SYNE1: variants seen among roughly 807,000 people sequenced by gnomAD.
SYNE1 encodes nesprin-1.
SYNE1 carries 616 observed loss-of-function variants against 1,111.0 expected under a neutral mutation model. The ratio of observed to expected loss-of-function variants is 0.55; its 90% CI spans 0.52 to 0.59. The LOEUF is 0.59. Ranked by LOEUF, SYNE1 falls within the 20% of genes least tolerant of loss-of-function variation. The probability of loss-of-function intolerance (pLI) is 0.00; values close to 1 mark genes in which losing one functional copy is unlikely to be tolerated. For missense variants in SYNE1, 10,006 were observed against 10,417.0 expected, an observed-to-expected ratio of 0.96 and a Z score of 1.72; for synonymous variants, 3,855 against 3,825.8, an observed-to-expected ratio of 1.01 and a Z score of -0.28.
Position 152,520,351 on chromosome 6 carries a change from T to C in SYNE1, c.309+108A>G, listed in dbSNP as rs76231045. 3,340 of 1,062,188 alleles carry C rather than the reference T, an allele frequency of 3.1e-3. 56 individuals carry two copies. In the African/African-American group the frequency reaches 0.045, roughly 14 times the overall value. The allele number at this position is 1,062,188 out of a possible 1,614,324, so 65.8% of individuals were successfully genotyped here. On this transcript the variant is annotated intron_variant, in intron 6 of 145. Coordinates refer to ENST00000367255, the MANE Select transcript of SYNE1 (RefSeq NM_182961.4). ...AATGATATTGTATGTCTAGGCTGTA[T>C]AGATTACATGCCATCCTCCTATCTG...
chr6:152,331,813 G>A lies in SYNE1; in HGVS notation c.12872C>T (p.Ala4291Val), dbSNP rs151250199. 30 of 1,613,972 alleles carry A rather than the reference G, an allele frequency of 1.9e-5. No individual in the cohort carries two copies. In the African/African-American group the frequency reaches 3.3e-4, roughly 18 times the overall value. The change falls in exon 78 of 146, where the codon GCT becomes GTT. Residue 4291 changes from alanine (A) to valine (V), a missense_variant. This residue lies in a region of SYNE1 where 4,955 missense variants were observed against 5,017.2 expected (regional missense o/e 0.99). Transcript: ENST00000367255. ...LALALQERKY[A>V]IEDLKDQKQK... ...CTTTTGATCTTTCAGATCTTCAATAGCATACTTTCTCTCCTGCAATGCCAA... is the reference window on the plus strand; with the variant it reads ...CTTTTGATCTTTCAGATCTTCAATAACATACTTTCTCTCCTGCAATGCCAA...
intron 131 of SYNE1, among the ~76,000 whole-genome samples, chr6:152,162,093 C>T (rs775227644): frequency 1.3e-5 from 2 of 152,202 alleles, no homozygotes; most frequent in Non-Finnish European, 2.9e-5. Context: ...AGCAGAGTTC[C>T]CTGGCTGGCT....
intron 10 of SYNE1, among the ~76,000 whole-genome samples, chr6:152,501,579 G>T (rs1029970827): frequency 2.0e-5 from 3 of 151,950 alleles, no homozygotes; most frequent in African/African-American, 4.8e-5. Context: ...ACTAGAAACA[G>T]AAAACAATAG....
chr6:152,326,078 G>A lies in SYNE1; in HGVS notation c.15318C>T (p.Tyr5106=). ...CAATAACCTCTTCCCTTGCTTTCTG[G>A]TAATCGTGCCATTGAGCTGTGCATC... ...LQRCTAQWHD[Y]QKAREEVIEL... Residue 5106 remains tyrosine, a synonymous_variant, in exon 80 of 146, where the codon TAC becomes TAT. Transcript: ENST00000367255. The A allele has an allele frequency of 6.2e-7, 1 of 1,614,050 alleles. No homozygotes were observed. Among genetic ancestry groups the A allele is most frequent in the Non-Finnish European group, 8.5e-7 (1 of 1,180,014 alleles).
rs781297183 is a variant in SYNE1 at position 152,242,419 on chromosome 6, T to C, written c.19714A>G (p.Met6572Val). 3.7e-6 allele frequency: 6 copies of C among 1,614,038 alleles called. No individual in the cohort carries two copies. The highest frequency in any genetic ancestry group is 4.2e-6 in the Non-Finnish European group (5 of 1,180,000). The stretch of plus-strand genomic sequence containing the variant: ...CCACTCCTCCGGGAGCCAATGATCA[T>C]CATCAGCTCATCATACATGTCCTAA... ...KLQDMYDELM[M>V]IIGSRRSGLN... Residue 6572 changes from methionine (M) to valine (V), a missense_variant, in exon 107 of 146, where the codon ATG becomes GTG. Met to Val is a conservative substitution (Grantham distance 21). Coordinates refer to ENST00000367255, the MANE Select transcript of SYNE1 (RefSeq NM_182961.4).
chr6:152,605,076 AGAAG>A (rs376634946), intron 3 of SYNE1, among the ~76,000 whole-genome samples: 7,195 of 32,582 alleles, frequency 0.22, 1,080 homozygotes, highest in Non-Finnish European at 0.26. Flanking sequence ...GAGGGAGGAA[AGAAG>A]GAAGGAAGGA....
chr6:152,231,802 GTA>G (rs10668582), intron 113 of SYNE1, among the ~76,000 whole-genome samples: 1 of 149,516 alleles, frequency 6.7e-6, no homozygotes, highest in African/African-American at 2.5e-5. Context: ...GTGTGTGTGT[GTA>G]TATATATATT....
At chr6:152,173,481 G>A (rs1172618382) in intron 130 of SYNE1, among the ~76,000 whole-genome samples, 1 of 152,208 alleles carries the variant, frequency 6.6e-6, no homozygotes, top group Non-Finnish European at 1.5e-5. Flanking sequence ...GGCAAGAGTG[G>A]TGAATGGACT....
chr6:152,357,091 A>T (rs1277589933), intron 66 of SYNE1, among the ~76,000 whole-genome samples: 1 of 152,240 alleles, frequency 6.6e-6, no homozygotes, highest in Non-Finnish European at 1.5e-5. Flanking sequence ...AAGTAAGCTA[A>T]GGAAATTGTG....
intron 3 of SYNE1, among the ~76,000 whole-genome samples, chr6:152,622,059 T>C (rs2099676686): frequency 1.3e-5 from 2 of 152,188 alleles, no homozygotes; most frequent in African/African-American, 4.8e-5. Flanking sequence ...TTATCAAAAA[T>C]GTATTTAACT....
At chr6:152,294,229 C>T (rs918006468) in intron 93 of SYNE1, 102 bp from the exon 94 acceptor site, 3 of 1,214,688 alleles carry the variant, frequency 2.5e-6, no homozygotes, top group Non-Finnish European at 2.4e-6. Flanking sequence ...TTCAGATCTA[C>T]ACCTTTCATG....
At chr6:152,303,031 A>T (rs938307436) in intron 91 of SYNE1, among the ~76,000 whole-genome samples, 1 of 150,900 alleles carries the variant, frequency 6.6e-6, no homozygotes, top group African/African-American at 2.4e-5. Context: ...ATTATACTTT[A>T]TTGCATCTTT....
chr6:152,484,759 G>A, intron 13 of SYNE1, 76 bp downstream of exon 13: 4 of 1,509,492 alleles, frequency 2.6e-6, no homozygotes, highest in Non-Finnish European at 3.7e-6. Context: ...CCATACCACT[G>A]TGTAGAAATA....
rs1237557828 is a variant in SYNE1, at chr6:152,354,964, G to A, written c.10621C>T (p.His3541Tyr). ...AACAGGGCCTGCCCCTCTGCACAGT[G>A]TACCTGTAGCTCCTGCAGAGAAAAA... is the stretch of plus-strand genomic sequence containing the variant. ...TLRDLQELQV[H>Y]CAEGQALLNS... Residue 3541 changes from histidine (H) to tyrosine (Y), a missense_variant, in exon 67 of 146, where the codon CAC becomes TAC. This residue lies in a region of SYNE1 where 4,955 missense variants were observed against 5,017.2 expected (regional missense o/e 0.99). Coordinates refer to ENST00000367255, the MANE Select transcript of SYNE1 (RefSeq NM_182961.4). 16 of 1,613,794 alleles carry A rather than the reference G, an allele frequency of 9.9e-6. No individual in the cohort carries two copies. The highest frequency in any genetic ancestry group is 1.3e-5 in the African/African-American group (1 of 74,896).
chr6:152,489,453 G>A (rs1214475576), intron 11 of SYNE1, among the ~76,000 whole-genome samples: 1 of 119,732 alleles, frequency 8.4e-6, no homozygotes, highest in East Asian at 3.4e-4. Context: ...TGAGCTTGGT[G>A]TGTCTTTTTT....
chr6:152,364,486 C>T (rs2097016147), intron 63 of SYNE1, among the ~76,000 whole-genome samples: 1 of 149,762 alleles, frequency 6.7e-6, no homozygotes, highest in Non-Finnish European at 1.5e-5. Flanking sequence ...TTAGCAACAA[C>T]AACAAAAAGA....
Position 152,343,932 on chromosome 6 carries a change from G to C in SYNE1, c.12225+149C>G, listed in dbSNP as rs900095049. ...CATGTCCATCTTCTGGCTGGCACAT[G>C]AACTCCACTAGAGCCAACCTCAGAC... On this transcript the variant is annotated intron_variant, in intron 74 of 145. Transcript: ENST00000367255. The C allele has an allele frequency of 1.7e-5, 19 of 1,105,514 alleles. No homozygotes were observed. In the African/African-American group the frequency reaches 2.8e-4, roughly 16 times the overall value. The allele number at this position is 1,105,514 out of a possible 1,614,324, so 68.5% of individuals were successfully genotyped here.
rs115009437 is a variant in SYNE1 at position 152,573,783 on chromosome 6, G to A, written c.68-33762C>T. ...GTTAATTATTTTTTAAAACTTTGAA[G>A]AAAATGATCAAACTAACAGTAACAA... On this transcript the variant is annotated intron_variant, in intron 3 of 145. Coordinates refer to ENST00000367255, the MANE Select transcript of SYNE1 (RefSeq NM_182961.4). Among the ~76,000 whole-genome samples, 598 of 152,134 alleles carry A rather than the reference G, an allele frequency of 3.9e-3. 6 individuals are homozygous for A. Among genetic ancestry groups the A allele is most frequent in the African/African-American group, 0.014 (562 of 41,506 alleles).
At position 152,427,713 on chromosome 6, in the gene SYNE1, C is replaced by T; in HGVS notation, c.5080G>A (p.Gly1694Ser). ...CTTGCCTGTATTAACTGAAGTTCAC[C>T]TTCCACTTTGACTCTGTCTGCAGAA... ...DISADRVKVE[G>S]ELQLIQALQN... Residue 1694 changes from glycine to serine, a missense_variant, in exon 38 of 146, where the codon GGT (glycine) becomes AGT (serine). Physicochemically the swap from Gly to Ser is moderately conservative, Grantham distance 56. Transcript: ENST00000367255. 1.2e-6 allele frequency: 2 copies of T among 1,614,134 alleles called. No individual in the cohort carries two copies. The highest frequency in any genetic ancestry group is 1.1e-5 in the South Asian group (1 of 91,076).
Sources: allele counts gnomAD v4.1 joint callset (sites outside exome capture counted in the v4.1 genomes callset), GRCh38; gene constraint gnomAD v4.1.1; regional missense constraint gnomAD v4.1.1; transcripts MANE v1.5; gene names NCBI Gene and HGNC (gene_info 2026-07-23, HGNC 2026-07-21).